Variants in MYBL2 observed in about 807,000 individuals in gnomAD.
MYBL2 encodes MYB proto-oncogene like 2.
MYBL2 carries 28 observed loss-of-function variants against 79.9 expected under a neutral mutation model. The observed-to-expected ratio is 0.35, with a 90% CI of 0.26 to 0.48. MYBL2 has a LOEUF of 0.48. MYBL2 is among the 20% of genes least tolerant of loss of function. MYBL2 has a pLI of 0.99. For synonymous variants in MYBL2, 378 were observed against 361.2 expected, an observed-to-expected ratio of 1.05 and a Z score of -0.53; for missense variants, 735 against 893.9, an observed-to-expected ratio of 0.82 and a Z score of 2.27.
At chr20:43,681,378 A>T (rs433732) in intron 2 of MYBL2, among the ~76,000 whole-genome samples, 2 of 152,090 alleles carry the variant, frequency 1.3e-5, no homozygotes, top group Admixed American at 1.3e-4. Flanking sequence ...TGCATGATAG[A>T]TGGTTGAACT....
At chr20:43,683,105 C>T (rs1245040810) in intron 4 of MYBL2, among the ~76,000 whole-genome samples, 1 of 152,166 alleles carries the variant, frequency 6.6e-6, no homozygotes, top group Non-Finnish European at 1.5e-5. Context: ...GGTCTGAGGG[C>T]TATTGGGCTG....
intron 5 of MYBL2, among the ~76,000 whole-genome samples, chr20:43,687,915 T>G (rs1445080549): frequency 6.7e-6 from 1 of 149,726 alleles, no homozygotes; most frequent in African/African-American, 2.5e-5. Flanking sequence ...CTTGGGAGGC[T>G]GAGGCAGAAT....
chr20:43,669,140 GT>G (rs1440652286), intron 1 of MYBL2, among the ~76,000 whole-genome samples: 3 of 152,156 alleles, frequency 2.0e-5, no homozygotes, highest in Non-Finnish European at 4.4e-5. Context: ...CGTCTGGCGT[GT>G]TTTATTTTGT....
At chr20:43,689,706 A>G (rs905676040) in intron 5 of MYBL2, among the ~76,000 whole-genome samples, 6 of 152,178 alleles carry the variant, frequency 3.9e-5, no homozygotes, top group Admixed American at 2.6e-4. Flanking sequence ...GTTGTAGCTG[A>G]AGATAACATT....
chr20:43,706,721 T>TTTTTG (rs1987792659), intron 9 of MYBL2, among the ~76,000 whole-genome samples: 1 of 104,292 alleles, frequency 9.6e-6, no homozygotes, highest in African/African-American at 3.8e-5. Flanking sequence ...AAAAAAAAGT[T>TTTTTG]TTTTTTTTTT....
chr20:43,691,660 C>T (rs1438826568), intron 5 of MYBL2, among the ~76,000 whole-genome samples: 3 of 151,850 alleles, frequency 2.0e-5, no homozygotes, highest in Non-Finnish European at 4.4e-5. Context: ...CTTCCTCAGA[C>T]TCCCAAGTAG....
At chr20:43,703,788 G>A (rs540432504) in intron 8 of MYBL2, among the ~76,000 whole-genome samples, 8 of 152,184 alleles carry the variant, frequency 5.3e-5, no homozygotes, top group African/African-American at 1.9e-4. Context: ...CCCTGTGTCG[G>A]TTTGCTCCGG....
intron 2 of MYBL2, among the ~76,000 whole-genome samples, chr20:43,675,311 C>G (rs1262304733): frequency 6.6e-6 from 1 of 151,402 alleles, no homozygotes; most frequent in African/African-American, 2.4e-5. Context: ...ACAGTTTGAT[C>G]AGTTTTTTTT....
In MYBL2 at chr20:43,716,165, C is replaced by T; in HGVS notation, c.*78C>T. The T allele has an allele frequency of 6.3e-7, 1 of 1,579,878 alleles. No individual in the cohort carries two copies. The highest frequency in any genetic ancestry group is 8.5e-7 in the Non-Finnish European group (1 of 1,170,388). ...AGAGGGGGTCTGTGAATCTGAGAGT[C>T]ATTCAGGTGACCTCCTGCAGGGAGC... is the stretch of plus-strand genomic sequence containing the variant. On this transcript the variant is annotated 3_prime_UTR_variant, in exon 14 of 14. Transcript: ENST00000217026.
At chr20:43,683,780 T>C (rs1179455040) in intron 4 of MYBL2, among the ~76,000 whole-genome samples, 1 of 151,872 alleles carries the variant, frequency 6.6e-6, no homozygotes, top group Non-Finnish European at 1.5e-5. Context: ...GGTCTTGAAC[T>C]CCTGACCTCG....
chr20:43,689,506 A>G (rs62226229), intron 5 of MYBL2, among the ~76,000 whole-genome samples: 4,106 of 152,116 alleles, frequency 0.027, 71 homozygotes, highest in Non-Finnish European at 0.037. Context: ...CAGAGCTCCT[A>G]GTGCTCCTCT....
chr20:43,700,120 C>A, intron 7 of MYBL2, 76 bp downstream of exon 7: 1 of 1,538,428 alleles, frequency 6.5e-7, no homozygotes, highest in South Asian at 1.2e-5. Context: ...GGCCCACATC[C>A]TTTTGCTCAT....
chr20:43,671,147 TTTTA>T (rs375399957), intron 1 of MYBL2, among the ~76,000 whole-genome samples: 106 of 151,740 alleles, frequency 7.0e-4, no homozygotes, highest in African/African-American at 2.3e-3. Flanking sequence ...TTTTGTGGGT[TTTTA>T]TTTATTTATT....
intron 6 of MYBL2, among the ~76,000 whole-genome samples, chr20:43,697,066 G>T (rs1347454905): frequency 1.8e-5 from 1 of 54,454 alleles, no homozygotes; most frequent in Non-Finnish European, 4.7e-5. Flanking sequence ...AAAATAGTGT[G>T]GACATTTGAA....
intron 12 of MYBL2, among the ~76,000 whole-genome samples, chr20:43,713,704 G>T (rs1987964361): frequency 6.6e-6 from 1 of 152,168 alleles, no homozygotes; most frequent in South Asian, 2.1e-4. Context: ...GTGTCTTAAG[G>T]TATAGCCAGG....
intron 12 of MYBL2, among the ~76,000 whole-genome samples, chr20:43,713,473 C>T (rs953651042): frequency 6.6e-6 from 1 of 151,690 alleles, no homozygotes; most frequent in African/African-American, 2.4e-5. Flanking sequence ...CTGCAACCTC[C>T]GTCTCCCGAG....
intron 2 of MYBL2, among the ~76,000 whole-genome samples, chr20:43,676,612 G>A (rs917530999): frequency 2.6e-5 from 4 of 152,200 alleles, no homozygotes; most frequent in Non-Finnish European, 4.4e-5. Flanking sequence ...ATCGTGTATA[G>A]CGCTACCTTG....
chr20:43,676,189 G>A (rs781000588), intron 2 of MYBL2, among the ~76,000 whole-genome samples: 3 of 152,040 alleles, frequency 2.0e-5, no homozygotes, highest in Admixed American at 1.3e-4. Context: ...GAAGTGCTGG[G>A]ATTACAGGCG....
intron 1 of MYBL2, among the ~76,000 whole-genome samples, chr20:43,669,988 C>T (rs904581337): frequency 7.2e-5 from 11 of 152,168 alleles, no homozygotes; most frequent in African/African-American, 2.2e-4. Context: ...CCTGTAAGCG[C>T]GGCTATTCGG....
Sources: allele counts gnomAD v4.1 joint callset (sites outside exome capture counted in the v4.1 genomes callset), GRCh38; gene constraint gnomAD v4.1.1; transcripts MANE v1.5; gene names NCBI Gene and HGNC (gene_info 2026-07-23, HGNC 2026-07-21).